TMEM132D: variants seen among roughly 807,000 people sequenced by gnomAD.
TMEM132D encodes the protein mature OL transmembrane protein.
Under a neutral mutation model 62.3 loss-of-function variants are expected in TMEM132D, and 21 were observed. That is an observed-to-expected ratio of 0.34 (90% CI 0.24 to 0.49). TMEM132D has a LOEUF of 0.49. TMEM132D is among the 20% of genes least tolerant of loss of function. The probability of loss-of-function intolerance (pLI) is 0.99; values close to 1 mark genes in which losing one functional copy is unlikely to be tolerated. For synonymous variants in TMEM132D, 621 were observed against 575.6 expected (o/e 1.08, Z -1.13); for missense variants, 1,346 against 1,402.8 (o/e 0.96, Z 0.65).
intron 4 of TMEM132D, among the ~76,000 whole-genome samples, chr12:129,293,985 C>T (rs760657524): frequency 2.6e-5 from 4 of 152,172 alleles, no homozygotes. Flanking sequence ...CCCACAGTAA[C>T]TGAGATTCCA....
chr12:129,434,890 T>C (rs1468323685), intron 3 of TMEM132D, among the ~76,000 whole-genome samples: 1 of 152,124 alleles, frequency 6.6e-6, no homozygotes, highest in Admixed American at 6.6e-5. Context: ...CACCCTACAG[T>C]GCTGCAGCAC....
At chr12:129,598,587 A>C (rs912166981) in intron 2 of TMEM132D, among the ~76,000 whole-genome samples, 1 of 152,212 alleles carries the variant, frequency 6.6e-6, no homozygotes, top group Non-Finnish European at 1.5e-5. Flanking sequence ...ATAAAAGCCA[A>C]AGAAACACTA....
At chr12:129,544,850 A>G (rs1018753071) in intron 2 of TMEM132D, among the ~76,000 whole-genome samples, 10 of 152,250 alleles carry the variant, frequency 6.6e-5, no homozygotes, top group Admixed American at 2.0e-4. Flanking sequence ...GACAACCCAC[A>G]TCGGTAGTTC....
chr12:129,816,578 G>A (rs1170888407), intron 1 of TMEM132D, among the ~76,000 whole-genome samples: 3 of 152,098 alleles, frequency 2.0e-5, no homozygotes, highest in African/African-American at 7.2e-5. Flanking sequence ...TAAAACAGCA[G>A]CAATTTCCAT....
At chr12:129,332,136 C>T (rs1272801522) in intron 4 of TMEM132D, among the ~76,000 whole-genome samples, 3 of 152,194 alleles carry the variant, frequency 2.0e-5, no homozygotes, top group African/African-American at 7.2e-5. Flanking sequence ...CAGATAAGCA[C>T]TTGATAAATG....
chr12:129,487,705 G>A (rs1369726607), intron 3 of TMEM132D, among the ~76,000 whole-genome samples: 3 of 151,894 alleles, frequency 2.0e-5, no homozygotes, highest in Admixed American at 2.0e-4. Flanking sequence ...GGCCGAGGCG[G>A]GCGGATCATG....
intron 4 of TMEM132D, among the ~76,000 whole-genome samples, chr12:129,332,818 G>A (rs552121339): frequency 3.9e-5 from 6 of 152,238 alleles, no homozygotes; most frequent in Non-Finnish European, 5.9e-5. Context: ...AGTTAGGATC[G>A]CTAATATATA....
intron 5 of TMEM132D, among the ~76,000 whole-genome samples, chr12:129,093,162 C>T (rs529307496): frequency 3.4e-4 from 51 of 152,236 alleles, no homozygotes; most frequent in African/African-American, 1.2e-3. Context: ...AGATGGGCTT[C>T]GGGTCAGCAG....
At chr12:129,282,501 C>A (rs1345116743) in intron 4 of TMEM132D, among the ~76,000 whole-genome samples, 1 of 152,138 alleles carries the variant, frequency 6.6e-6, no homozygotes, top group South Asian at 2.1e-4. Flanking sequence ...CAGCTACGAT[C>A]CGGGCTGACT....
At chr12:129,297,329 G>A (rs1337370429) in intron 4 of TMEM132D, among the ~76,000 whole-genome samples, 1 of 152,218 alleles carries the variant, frequency 6.6e-6, no homozygotes, top group African/African-American at 2.4e-5. Context: ...ATTTTGGCCT[G>A]GCTAGGCCTC....
chr12:129,414,008 C>T (rs898012089), intron 3 of TMEM132D, among the ~76,000 whole-genome samples: 1 of 152,322 alleles, frequency 6.6e-6, no homozygotes, highest in East Asian at 1.9e-4. Context: ...AGTGCAAGGG[C>T]ACTGTGGTGC....
intron 5 of TMEM132D, among the ~76,000 whole-genome samples, chr12:129,128,494 C>A (rs1301012312): frequency 6.6e-6 from 1 of 152,256 alleles, no homozygotes; most frequent in Admixed American, 6.5e-5. Flanking sequence ...AGAACTCACT[C>A]ATTAACATGA....
intron 4 of TMEM132D, among the ~76,000 whole-genome samples, chr12:129,251,033 C>G (rs1284467519): frequency 3.3e-5 from 5 of 152,116 alleles, no homozygotes; most frequent in Non-Finnish European, 1.5e-5. Context: ...AATCACCATG[C>G]ATGCTAAAAT....
intron 3 of TMEM132D, among the ~76,000 whole-genome samples, chr12:129,407,219 A>G (rs1871817793): frequency 6.6e-6 from 1 of 152,262 alleles, no homozygotes. Context: ...GGAAAAACAC[A>G]AAGACTGCAG....
At chr12:129,717,236 A>C (rs1368863635) in intron 1 of TMEM132D, among the ~76,000 whole-genome samples, 1 of 152,196 alleles carries the variant, frequency 6.6e-6, no homozygotes, top group Non-Finnish European at 1.5e-5. Flanking sequence ...GAAGAAATTT[A>C]ATCTACATTC....
intron 3 of TMEM132D, among the ~76,000 whole-genome samples, chr12:129,453,502 C>T (rs1363714899): frequency 6.6e-6 from 1 of 152,220 alleles, no homozygotes; most frequent in East Asian, 1.9e-4. Context: ...ACCTCACACT[C>T]TCTGAAGTCA....
chr12:129,362,617 A>C (rs1870285029), intron 3 of TMEM132D, among the ~76,000 whole-genome samples: 1 of 152,152 alleles, frequency 6.6e-6, no homozygotes, highest in Non-Finnish European at 1.5e-5. Context: ...TATTTTAAAA[A>C]AACAATTTGT....
At chr12:129,162,568 T>G (rs569673837) in intron 5 of TMEM132D, among the ~76,000 whole-genome samples, 71 of 152,242 alleles carry the variant, frequency 4.7e-4, no homozygotes, top group African/African-American at 1.7e-3. Context: ...TGGGGCCTGG[T>G]GGGAGGTATT....
chr12:129,707,907 A>T (rs1409351572), intron 1 of TMEM132D, among the ~76,000 whole-genome samples: 1 of 152,196 alleles, frequency 6.6e-6, no homozygotes. Context: ...ATATAATTTC[A>T]TAAAACTGTA....
Sources: gnomAD v4.1 joint callset for allele counts (sites outside exome capture counted in the v4.1 genomes callset) on GRCh38, gnomAD v4.1.1 for gene constraint, MANE v1.5 for transcripts, NCBI Gene and HGNC (gene_info 2026-07-23, HGNC 2026-07-21) for gene names.